ATP2B1: variants seen among roughly 807,000 people sequenced by gnomAD.
ATP2B1 encodes the protein plasma membrane calcium-transporting ATPase 1.
ATP2B1 carries 14 observed loss-of-function variants against 124.2 expected under a neutral mutation model. The observed-to-expected ratio is 0.11, with a 90% confidence interval of 0.07 to 0.18. The LOEUF is 0.18. Among genes scored for constraint, ATP2B1 ranks in the 10% least tolerant of loss-of-function variants. The pLI is 1.00. For synonymous variants in ATP2B1, 449 were observed against 492.4 expected (o/e 0.91, Z 1.17); for missense variants, 763 against 1,466.1 (o/e 0.52, Z 7.83).
rs1873431502 is a variant in ATP2B1, at chr12:89,590,924, A to G, written c.*60T>C. 4 of 1,491,822 alleles carry G rather than the reference A, an allele frequency of 2.7e-6. No homozygotes were observed. The East Asian group carries it at 9.1e-5, about 34-fold the overall frequency. The allele number at this position is 1,491,822 out of a possible 1,614,324, so 92.4% of individuals were successfully genotyped here. A position where few individuals can be genotyped will look rare whatever the true frequency, so the allele number is the denominator to read the frequency against. On this transcript the variant is annotated 3_prime_UTR_variant, in exon 21 of 21. Coordinates refer to ENST00000428670, the MANE Select transcript of ATP2B1 (RefSeq NM_001366521.1). ...AGCTTGTCCATCACAATATGTGAAA[A>G]GACCCAGTTTCAATTTGTTTCTTTA...
At chr12:89,693,310 C>T (rs771565848) in intron 1 of ATP2B1, among the ~76,000 whole-genome samples, 19 of 152,084 alleles carry the variant, frequency 1.2e-4, no homozygotes, top group Non-Finnish European at 1.8e-4. Flanking sequence ...AGGAAGAACT[C>T]CTGCTATGAT....
intron 1 of ATP2B1, among the ~76,000 whole-genome samples, chr12:89,708,082 G>A (rs550620842): frequency 1.3e-5 from 2 of 152,302 alleles, no homozygotes; most frequent in South Asian, 2.1e-4. Flanking sequence ...TCAACCACCA[G>A]GGCCAGGGGC....
rs772924456 is a variant in ATP2B1 at position 89,627,730 on chromosome 12, A to G, written c.929-14T>C. 6.2e-7 allele frequency: 1 copy of G among 1,613,582 alleles called. No homozygotes were observed. The highest frequency in any genetic ancestry group is 1.1e-5 in the South Asian group (1 of 91,004). On this transcript the variant is annotated splice_polypyrimidine_tract_variant and intron_variant, in intron 6 of 20. Transcript: ENST00000428670. The stretch of plus-strand genomic sequence containing the variant: ...CTTGTTTCTTATCTGTAGGAACAAA[A>G]TGGGAATTAAAGCTTTCCAAAAGAA...
intron 12 of ATP2B1, among the ~76,000 whole-genome samples, chr12:89,615,689 T>C (rs887202229): frequency 9.9e-5 from 15 of 152,166 alleles, no homozygotes; most frequent in Non-Finnish European, 1.9e-4. Context: ...ACTTCCTCCT[T>C]CTTTAAGAAT....
chr12:89,649,237 T>A (rs1884919065), intron 2 of ATP2B1, among the ~76,000 whole-genome samples: 1 of 152,320 alleles, frequency 6.6e-6, no homozygotes, highest in Non-Finnish European at 1.5e-5. Context: ...GCAGTTTGCA[T>A]CCTAAGCCTA....
At chr12:89,618,562 A>G (rs563256774) in intron 11 of ATP2B1, among the ~76,000 whole-genome samples, 115 of 152,324 alleles carry the variant, frequency 7.5e-4, no homozygotes, top group Non-Finnish European at 1.5e-3. Flanking sequence ...CAGGTAACTG[A>G]GTGTACTGTG....
At chr12:89,626,756 T>C in intron 7 of ATP2B1, 141 bp from the exon 8 acceptor site, 3 of 906,096 alleles carry the variant, frequency 3.3e-6, no homozygotes, top group Non-Finnish European at 4.7e-6. Flanking sequence ...TGTGTGTGTG[T>C]CTACACAGAG....
chr12:89,629,234 T>C (rs1645528004), intron 6 of ATP2B1, among the ~76,000 whole-genome samples: 1 of 152,180 alleles, frequency 6.6e-6, no homozygotes, highest in South Asian at 2.1e-4. Context: ...GAGAAGAGGG[T>C]GTGACCTGTC....
chr12:89,592,004 A>G (rs1873662358), intron 20 of ATP2B1, among the ~76,000 whole-genome samples: 1 of 152,078 alleles, frequency 6.6e-6, no homozygotes. Flanking sequence ...ATCAAAAACA[A>G]AAACAAATCC....
chr12:89,601,738 A>G (rs967399452), intron 18 of ATP2B1, among the ~76,000 whole-genome samples: 1 of 152,200 alleles, frequency 6.6e-6, no homozygotes, highest in Non-Finnish European at 1.5e-5. Flanking sequence ...TCTTATGACC[A>G]AGAATAATAA....
chr12:89,592,779 T>C (rs1337600781), intron 20 of ATP2B1, among the ~76,000 whole-genome samples: 1 of 152,060 alleles, frequency 6.6e-6, no homozygotes, highest in African/African-American at 2.4e-5. Context: ...CTTAAAACAA[T>C]GTTAGGTCAC....
chr12:89,617,111 G>T, intron 11 of ATP2B1, 72 bp from the exon 12 acceptor site: 1 of 1,161,864 alleles, frequency 8.6e-7, no homozygotes. Context: ...AAGTGAACTG[G>T]CAGGCCTAGA....
At chr12:89,688,958 A>G (rs1890254787) in intron 1 of ATP2B1, among the ~76,000 whole-genome samples, 1 of 152,096 alleles carries the variant, frequency 6.6e-6, no homozygotes, top group South Asian at 2.1e-4. Flanking sequence ...AAAAATACAC[A>G]GGAAGAAGCC....
intron 3 of ATP2B1, among the ~76,000 whole-genome samples, chr12:89,639,716 A>G (rs186933539): frequency 6.6e-6 from 1 of 152,210 alleles, no homozygotes; most frequent in African/African-American, 2.4e-5. Flanking sequence ...ACAGCTCTAG[A>G]TTATCTTCTC....
At position 89,589,972 on chromosome 12, in the gene ATP2B1, C is replaced by T. The variant is rs182085535; in HGVS notation, c.*1012G>A. On this transcript the variant is annotated 3_prime_UTR_variant, in exon 21 of 21. Transcript: ENST00000428670. ...ATCAATACAGTTCACTCACAGTTCA[C>T]CAAGACATCACTAAACTAACATGTT... 6.6e-6 allele frequency: 1 copy of T among 152,410 alleles called. No individual in the cohort carries two copies. Among genetic ancestry groups the T allele is most frequent in the Non-Finnish European group, 1.5e-5 (1 of 67,940 alleles). The allele number at this position is 152,410 out of a possible 1,614,324, so 9.4% of individuals were successfully genotyped here.
At chr12:89,698,381 A>G (rs1891421793) in intron 1 of ATP2B1, among the ~76,000 whole-genome samples, 1 of 152,234 alleles carries the variant, frequency 6.6e-6, no homozygotes, top group Admixed American at 6.5e-5. Flanking sequence ...AGACCAAAAA[A>G]GAACACATAC....
At chr12:89,600,975 A>T (rs955664432) in intron 19 of ATP2B1, among the ~76,000 whole-genome samples, 2 of 152,066 alleles carry the variant, frequency 1.3e-5, no homozygotes, top group South Asian at 2.1e-4. Flanking sequence ...GTTGTAAAAA[A>T]TTTTTTTCTG....
At chr12:89,653,167 T>G (rs1432434908) in intron 2 of ATP2B1, among the ~76,000 whole-genome samples, 1 of 152,106 alleles carries the variant, frequency 6.6e-6, no homozygotes, top group African/African-American at 2.4e-5. Context: ...TTAGTAAATA[T>G]TAAATTCACA....
At chr12:89,659,908 C>T (rs1886476163) in intron 1 of ATP2B1, among the ~76,000 whole-genome samples, 1 of 109,846 alleles carries the variant, frequency 9.1e-6, no homozygotes, top group East Asian at 2.5e-4. Flanking sequence ...GGGGACAAAG[C>T]GAGACTCAAA....
Sources: allele counts gnomAD v4.1 joint callset (sites outside exome capture counted in the v4.1 genomes callset), GRCh38; gene constraint gnomAD v4.1.1; transcripts MANE v1.5; gene names NCBI Gene and HGNC (gene_info 2026-07-23, HGNC 2026-07-21).